Variants in SLC6A11 observed in about 807,000 individuals in gnomAD.
SLC6A11 encodes the protein solute carrier family 6 member 11.
In SLC6A11, 25 loss-of-function variants were observed where a neutral mutation model predicts 74.8. The observed-to-expected ratio is 0.33, with a 90% CI of 0.24 to 0.47. SLC6A11 has a LOEUF of 0.47. Among genes scored for constraint, SLC6A11 ranks in the 20% least tolerant of loss-of-function variants. The pLI is 1.00. For missense variants in SLC6A11, 574 were observed against 837.0 expected, an observed-to-expected ratio of 0.69 and a Z score of 3.88; for synonymous variants, 330 against 330.2, an observed-to-expected ratio of 1.00 and a Z score of 0.01.
chr3:10,927,318 G>A (rs1695622281), intron 9 of SLC6A11, among the ~76,000 whole-genome samples: 1 of 152,204 alleles, frequency 6.6e-6, no homozygotes, highest in South Asian at 2.1e-4. Flanking sequence ...CGAGTCCCTG[G>A]GCTGAGCTAA....
chr3:10,868,243 C>A (rs1297524162), intron 5 of SLC6A11, among the ~76,000 whole-genome samples: 2 of 152,128 alleles, frequency 1.3e-5, no homozygotes, highest in African/African-American at 4.8e-5. Flanking sequence ...CACTGCCCTG[C>A]TTTTTTGGAT....
intron 9 of SLC6A11, among the ~76,000 whole-genome samples, chr3:10,927,811 C>G (rs140559823): frequency 3.9e-5 from 6 of 152,160 alleles, no homozygotes; most frequent in African/African-American, 1.4e-4. Flanking sequence ...ATTGAAACAC[C>G]TTTTCTGGGG....
At position 10,925,995 on chromosome 3, in the gene SLC6A11, T is replaced by A; in HGVS notation, c.1121-9T>A. 6.4e-7 allele frequency: 1 copy of A among 1,552,132 alleles called. No individual in the cohort carries two copies. Among genetic ancestry groups the A allele is most frequent in the Non-Finnish European group, 8.9e-7 (1 of 1,126,960 alleles). ...CACCCAGTGGCTTTCTCTCTCTCCCTCGCTCCAGGCCCCGGCCTGGCCTTT... is the reference window on the plus strand; with the variant it reads ...CACCCAGTGGCTTTCTCTCTCTCCCACGCTCCAGGCCCCGGCCTGGCCTTT... On this transcript the variant is annotated splice_polypyrimidine_tract_variant and intron_variant, in intron 8 of 13. Coordinates refer to ENST00000254488, the MANE Select transcript of SLC6A11 (RefSeq NM_014229.3).
chr3:10,869,950 A>T (rs931708863), intron 5 of SLC6A11, among the ~76,000 whole-genome samples: 3 of 152,152 alleles, frequency 2.0e-5, no homozygotes, highest in Admixed American at 6.6e-5. Context: ...GAAGCTGAGA[A>T]GAGAGGTGAA....
Position 10,816,243 on chromosome 3 carries a change from C to T in SLC6A11, c.-23C>T, listed in dbSNP as rs917405426. On this transcript the variant is annotated 5_prime_UTR_variant, in exon 1 of 14. Coordinates refer to ENST00000254488, the MANE Select transcript of SLC6A11 (RefSeq NM_014229.3). The surrounding 1 kb of genome is among the most constrained non-coding windows in gnomAD (Gnocchi z 4.2). ...GGGCGGCGGCGCAGAGCCGGGCCGG[C>T]GCACGAGGCAGCCAGCGCGGCCATG... 5.7e-4 allele frequency: 736 copies of T among 1,299,748 alleles called. No homozygotes were observed. Among genetic ancestry groups the T allele is most frequent in the Non-Finnish European group, 6.7e-4 (690 of 1,027,786 alleles). The allele number at this position is 1,299,748 out of a possible 1,614,324, so 80.5% of individuals were successfully genotyped here. A position where few individuals can be genotyped will look rare whatever the true frequency, so the allele number is the denominator to read the frequency against.
chr3:10,861,636 G>A (rs1403692584), intron 5 of SLC6A11, among the ~76,000 whole-genome samples: 1 of 152,190 alleles, frequency 6.6e-6, no homozygotes, highest in African/African-American at 2.4e-5. Flanking sequence ...TTTTAAAGCT[G>A]CAAAGATAGG....
chr3:10,822,759 C>T (rs560858455), intron 3 of SLC6A11, among the ~76,000 whole-genome samples: 2 of 152,274 alleles, frequency 1.3e-5, no homozygotes, highest in East Asian at 1.9e-4. Flanking sequence ...TTGACTGGAT[C>T]TAGTGAGGGA....
intron 6 of SLC6A11, among the ~76,000 whole-genome samples, chr3:10,884,422 A>G (rs918870202): frequency 1.3e-5 from 2 of 152,240 alleles, no homozygotes; most frequent in Non-Finnish European, 1.5e-5. Context: ...CTTATGACCT[A>G]TAAGATAGGA....
chr3:10,833,211 G>A (rs1435642072), intron 4 of SLC6A11, among the ~76,000 whole-genome samples: 4 of 152,092 alleles, frequency 2.6e-5, no homozygotes, highest in East Asian at 1.9e-4. Flanking sequence ...ACAGGTGCTC[G>A]CCACCACACC....
chr3:10,890,199 C>G (rs533793108), intron 6 of SLC6A11, among the ~76,000 whole-genome samples: 1 of 152,208 alleles, frequency 6.6e-6, no homozygotes, highest in Admixed American at 6.5e-5. Context: ...AAAAAAGGCC[C>G]AAGAAGCAGG....
At chr3:10,829,607 C>G (rs1254365632) in intron 4 of SLC6A11, among the ~76,000 whole-genome samples, 4 of 152,108 alleles carry the variant, frequency 2.6e-5, no homozygotes, top group African/African-American at 9.7e-5. Flanking sequence ...AAGCAGCTGC[C>G]CCTTCCTCCT....
In SLC6A11 at chr3:10,816,406, C is replaced by T; in HGVS notation, c.141C>T (p.Val47=). The change falls in exon 1 of 14, where the codon GTC becomes GTT. Residue 47 remains valine, a synonymous_variant. Transcript: ENST00000254488. This position sits in a 1 kb window ranked among gnomAD's most constrained non-coding sequence, Gnocchi z 4.2. ...CGCGCGTCAAGCGCGACAAGGCGGT[C>T]CACGAGCGCGGCCACTGGAACAACA... ...RHPRVKRDKA[V]HERGHWNNKV... The T allele has an allele frequency of 6.3e-7, 1 of 1,590,098 alleles. No individual in the cohort carries two copies.
chr3:10,935,206 C>T lies in SLC6A11; in HGVS notation c.1746+7C>T, dbSNP rs746446182. On this transcript the variant is annotated splice_region_variant and intron_variant, in intron 13 of 13. Coordinates refer to ENST00000254488, the MANE Select transcript of SLC6A11 (RefSeq NM_014229.3). ...GGAGGGGACACTGCCCGAGGTGAGA[C>T]CGCCCCAGGAGGGCTGGTGCGTTTG... The T allele has an allele frequency of 3.1e-6, 5 of 1,613,706 alleles. No individual in the cohort carries two copies. The South Asian group carries it at 5.5e-5, about 18-fold the overall frequency.
intron 4 of SLC6A11, 39 bp downstream of exon 4, chr3:10,823,431 G>T (rs1318893523): frequency 1.5e-6 from 2 of 1,368,970 alleles, no homozygotes; most frequent in Non-Finnish European, 2.1e-6. Flanking sequence ...GCCTGTGGGG[G>T]CTCTGTCCTG....
At chr3:10,919,789 T>C (rs1374024828) in intron 8 of SLC6A11, among the ~76,000 whole-genome samples, 1 of 152,176 alleles carries the variant, frequency 6.6e-6, no homozygotes, top group Non-Finnish European at 1.5e-5. Context: ...GATGCTCAGC[T>C]CAGCCCTCTG....
intron 4 of SLC6A11, among the ~76,000 whole-genome samples, chr3:10,837,829 TC>T: frequency 6.6e-6 from 1 of 151,968 alleles, no homozygotes; most frequent in East Asian, 1.9e-4. Context: ...TCTGTCGGAG[TC>T]CCCCCATAAA....
intron 6 of SLC6A11, among the ~76,000 whole-genome samples, chr3:10,901,609 G>T (rs961894042): frequency 6.6e-6 from 1 of 152,180 alleles, no homozygotes; most frequent in Non-Finnish European, 1.5e-5. Flanking sequence ...GTTCCCACTG[G>T]CCCTGCCTGC....
chr3:10,844,501 A>G (rs1036626664), intron 5 of SLC6A11, among the ~76,000 whole-genome samples, 155 bp downstream of exon 5: 6 of 152,104 alleles, frequency 3.9e-5, no homozygotes, highest in Admixed American at 1.3e-4. Flanking sequence ...ACCCACCCTC[A>G]CCACTTATTG....
chr3:10,909,127 A>AAAC (rs1695350477), intron 6 of SLC6A11, among the ~76,000 whole-genome samples: 1 of 151,378 alleles, frequency 6.6e-6, no homozygotes, highest in East Asian at 1.9e-4. Context: ...AAAAAAAAAA[A>AAAC]AGTGTCCCAT....
Sources: allele counts gnomAD v4.1 joint callset (sites outside exome capture counted in the v4.1 genomes callset), GRCh38; gene constraint gnomAD v4.1.1; non-coding constraint Gnocchi (gnomAD v3.1); transcripts MANE v1.5; gene names NCBI Gene and HGNC (gene_info 2026-07-23, HGNC 2026-07-21).